PPARGC1A: variants seen among roughly 807,000 people sequenced by gnomAD.
The protein encoded by PPARGC1A is PPARG coactivator 1 alpha.
A neutral mutation model predicts 88.7 loss-of-function variants in PPARGC1A; 25 were observed. The ratio of observed to expected loss-of-function variants is 0.28; its 90% CI spans 0.21 to 0.39. The LOEUF is 0.39. Ranked by LOEUF, PPARGC1A falls within the 10% of genes least tolerant of loss-of-function variation. The pLI is 1.00. For missense variants in PPARGC1A, 880 were observed against 968.7 expected (o/e 0.91, Z 1.22); for synonymous variants, 363 against 355.6 (o/e 1.02, Z -0.24).
chr4:24,085,941 G>A, the PPARGC1A span, among the ~76,000 whole-genome samples: 4 of 152,086 alleles, frequency 2.6e-5, no homozygotes, highest in Middle Eastern at 3.2e-3. Context: ...TCATTCAGAG[G>A]TGGTAAGGAG....
upstream of PPARGC1A, among the ~76,000 whole-genome samples, chr4:23,902,833 C>T (rs183000050): frequency 6.6e-6 from 1 of 152,190 alleles, no homozygotes; most frequent in East Asian, 1.9e-4. Context: ...TTTTTGATGC[C>T]AAAAACGATT....
At chr4:24,158,250 T>C in the PPARGC1A span, among the ~76,000 whole-genome samples, 381 of 152,228 alleles carry the variant, frequency 2.5e-3, 1 homozygote, top group African/African-American at 8.8e-3. Flanking sequence ...TGTTCTACCA[T>C]GAGAACCTCA....
chr4:23,829,371 C>A (rs1043180113), intron 4 of PPARGC1A, 92 bp downstream of exon 4: 6 of 1,406,458 alleles, frequency 4.3e-6, no homozygotes, highest in Non-Finnish European at 4.9e-6. Flanking sequence ...GGGGTCCCAG[C>A]TGAATTAATA....
chr4:23,808,388 T>C (rs765788257), intron 10 of PPARGC1A, among the ~76,000 whole-genome samples: 6 of 152,100 alleles, frequency 3.9e-5, no homozygotes, highest in Non-Finnish European at 1.5e-5. Context: ...GAAGCAGCAG[T>C]CATTGCCGCC....
the PPARGC1A span, among the ~76,000 whole-genome samples, chr4:23,936,959 A>G: frequency 1.5e-3 from 234 of 152,232 alleles, no homozygotes; most frequent in African/African-American, 5.3e-3. Flanking sequence ...TCCTGCATGT[A>G]CTGAACATGA....
the PPARGC1A span, among the ~76,000 whole-genome samples, chr4:24,141,694 T>A: frequency 6.6e-6 from 1 of 152,142 alleles, no homozygotes; most frequent in African/African-American, 2.4e-5. Context: ...GGTGAAGGAA[T>A]GTTGCTTGTT....
At chr4:24,470,766 C>T in the PPARGC1A span, among the ~76,000 whole-genome samples, 1 of 151,606 alleles carries the variant, frequency 6.6e-6, no homozygotes, top group Non-Finnish European at 1.5e-5. The surrounding 1 kb of genome is among the most constrained non-coding windows in gnomAD (Gnocchi z 5.8). Context: ...CCGCCTCCCG[C>T]TGCTGCTGCC....
chr4:24,349,845 C>T, the PPARGC1A span, among the ~76,000 whole-genome samples: 2 of 152,206 alleles, frequency 1.3e-5, no homozygotes, highest in African/African-American at 4.8e-5. Flanking sequence ...CAAATTGTTA[C>T]AAAGTTCAGC....
At chr4:24,269,425 T>A in the PPARGC1A span, among the ~76,000 whole-genome samples, 1 of 152,168 alleles carries the variant, frequency 6.6e-6, no homozygotes, top group African/African-American at 2.4e-5. Context: ...AGTATTCATG[T>A]CAGATATAAG....
chr4:24,232,098 G>A, the PPARGC1A span, among the ~76,000 whole-genome samples: 3 of 151,912 alleles, frequency 2.0e-5, no homozygotes, highest in Admixed American at 1.3e-4. Context: ...CTTTTGGTGT[G>A]ACAATGAAAT....
At chr4:24,244,225 G>C in the PPARGC1A span, among the ~76,000 whole-genome samples, 1 of 152,128 alleles carries the variant, frequency 6.6e-6, no homozygotes, top group Non-Finnish European at 1.5e-5. Context: ...GGAAAGAAAA[G>C]AAGGACAAAA....
the PPARGC1A span, among the ~76,000 whole-genome samples, chr4:23,959,539 G>GT: frequency 2.5e-4 from 38 of 152,226 alleles, no homozygotes; most frequent in Middle Eastern, 3.4e-3. Context: ...TGTTTCTTCA[G>GT]TAGGGGCATA....
At chr4:23,986,639 T>C in the PPARGC1A span, among the ~76,000 whole-genome samples, 10 of 152,050 alleles carry the variant, frequency 6.6e-5, no homozygotes, top group African/African-American at 2.2e-4. Context: ...ACGATAACAG[T>C]TGGTAGCAGC....
chr4:24,211,763 ATGT>A, the PPARGC1A span, among the ~76,000 whole-genome samples: 5 of 152,204 alleles, frequency 3.3e-5, no homozygotes, highest in African/African-American at 1.2e-4. Context: ...CTTCATAGAG[ATGT>A]TGTAACAATT....
chr4:23,836,907 G>T (rs1577452456), intron 2 of PPARGC1A, among the ~76,000 whole-genome samples: 3 of 152,146 alleles, frequency 2.0e-5, no homozygotes, highest in Admixed American at 6.6e-5. Context: ...ACTCTGAGAT[G>T]CTAACTGCCA....
At chr4:24,121,977 G>A in the PPARGC1A span, among the ~76,000 whole-genome samples, 12 of 152,212 alleles carry the variant, frequency 7.9e-5, no homozygotes, top group East Asian at 1.5e-3. Context: ...TGGGAAGAGC[G>A]CGTCACTGAT....
the PPARGC1A span, among the ~76,000 whole-genome samples, chr4:24,246,161 T>C: frequency 0.06 from 9,134 of 152,250 alleles, 351 homozygotes; most frequent in Non-Finnish European, 0.09. Flanking sequence ...TTAAGATCAA[T>C]CAAATAATAT....
At chr4:24,449,547 A>G in the PPARGC1A span, among the ~76,000 whole-genome samples, 3 of 152,244 alleles carry the variant, frequency 2.0e-5, no homozygotes, top group African/African-American at 7.2e-5. Context: ...TCTAGGTTCT[A>G]AAACAATGCC....
the PPARGC1A span, among the ~76,000 whole-genome samples, chr4:24,270,216 G>C: frequency 6.6e-6 from 1 of 152,018 alleles, no homozygotes; most frequent in African/African-American, 2.4e-5. Flanking sequence ...TTACACCACT[G>C]CATCTCCTGG....
Sources: gnomAD v4.1 joint callset for allele counts (sites outside exome capture counted in the v4.1 genomes callset) on GRCh38, gnomAD v4.1.1 for gene constraint, Gnocchi (gnomAD v3.1) non-coding constraint, MANE v1.5 for transcripts, NCBI Gene and HGNC (gene_info 2026-07-23, HGNC 2026-07-21) for gene names.